The following EIF5B variants were observed in gnomAD, a reference collection of about 807,000 sequenced individuals.
EIF5B encodes the protein eukaryotic translation initiation factor 5B.
EIF5B carries 47 observed loss-of-function variants against 147.5 expected under a neutral mutation model. The ratio of observed to expected loss-of-function variants is 0.32; its 90% CI spans 0.25 to 0.41. EIF5B has a LOEUF of 0.41. Ranked by LOEUF, EIF5B falls within the 10% of genes least tolerant of loss-of-function variation. EIF5B has a pLI of 1.00. For missense variants in EIF5B, 1,064 were observed against 1,413.2 expected (o/e 0.75, Z 3.96); for synonymous variants, 455 against 456.2 (o/e 1.00, Z 0.03).
chr2:99,357,398 A>G (rs1273201052), intron 1 of EIF5B, among the ~76,000 whole-genome samples: 3 of 152,180 alleles, frequency 2.0e-5, no homozygotes, highest in East Asian at 1.9e-4. Flanking sequence ...AAAAATTACC[A>G]TCTTTAAGAA....
In EIF5B at chr2:99,353,005, C is replaced by CTTTTTTTTTTTTTTTTTT. The variant is rs529053292; in HGVS notation, c.36-7221_36-7204dup. On this transcript the variant is annotated intron_variant, in intron 1 of 23. Transcript: ENST00000289371. ...GCCTGGCTAATTTTTTCTTCTTCTTCTTTTTTTTTTTTTTTTTTTTTTTTT... is the reference window on the plus strand; with the variant it reads ...GCCTGGCTAATTTTTTCTTCTTCTTCTTTTTTTTTTTTTTTTTTTTTTTTTTTTTTTTTTTTTTTTTTT... Among the ~76,000 whole-genome samples, 45 of 62,854 alleles carry CTTTTTTTTTTTTTTTTTT rather than the reference C, an allele frequency of 7.2e-4. 6 individuals carry two copies. Among genetic ancestry groups the CTTTTTTTTTTTTTTTTTT allele is most frequent in the East Asian group, 1.2e-3 (2 of 1,646 alleles). 41.2% of individuals were successfully genotyped at this position (62,854 alleles called of 152,430 possible).
intron 15 of EIF5B, 148 bp downstream of exon 15, chr2:99,389,997 T>C: frequency 8.1e-7 from 1 of 1,241,208 alleles, no homozygotes; most frequent in Non-Finnish European, 1.1e-6. Context: ...CCTTTTCTCC[T>C]TTTTCTTTGC....
Position 99,393,115 on chromosome 2 carries a change from A to T in EIF5B, c.2880+17A>T, listed in dbSNP as rs766204310. 3.3e-6 allele frequency: 5 copies of T among 1,503,516 alleles called. No individual in the cohort carries two copies. Among genetic ancestry groups the T allele is most frequent in the South Asian group, 1.3e-5 (1 of 74,234 alleles). The allele number at this position is 1,503,516 out of a possible 1,614,324, so 93.1% of individuals were successfully genotyped here. ...GTTCTTAAAGTAAGTTCATTTAAAA[A>T]TTTTTTTCCTTAAAAGCTATTTGAG... is the stretch of plus-strand genomic sequence containing the variant. On this transcript the variant is annotated intron_variant, in intron 18 of 23. Transcript: ENST00000289371.
Position 99,361,233 on chromosome 2 carries a change from A to C in EIF5B, c.332A>C (p.Asn111Thr). The change falls in exon 4 of 24, where the codon AAT becomes ACT. Residue 111 changes from asparagine (N) to threonine (T), a missense_variant. By Grantham distance (65) the Asn-to-Thr change is moderately conservative. Around this residue, in one of 4 missense-constraint regions of EIF5B, gnomAD observed 458 missense variants for 451.3 expected, o/e 1.01. Transcript: ENST00000289371. ...GGCAAAAAACAGAGTTTTGATGATA[A>C]TGATAGCGAAGAATTGGAAGATAAA... ...QKGKKQSFDDNDSEELEDKDS... is the reference protein window; with the variant it reads ...QKGKKQSFDDTDSEELEDKDS... 6.2e-7 allele frequency: 1 copy of C among 1,610,744 alleles called. No individual in the cohort carries two copies. The highest frequency in any genetic ancestry group is 2.2e-5 in the East Asian group (1 of 44,786).
intron 1 of EIF5B, among the ~76,000 whole-genome samples, chr2:99,354,825 C>T (rs1674060424): frequency 1.0e-5 from 1 of 98,932 alleles, no homozygotes; most frequent in Non-Finnish European, 1.9e-5. Context: ...TTTTTTGAGA[C>T]AGTGTTTCCG....
chr2:99,367,349 C>T (rs1674348046), intron 6 of EIF5B, among the ~76,000 whole-genome samples: 1 of 151,656 alleles, frequency 6.6e-6, no homozygotes, highest in Non-Finnish European at 1.5e-5. Context: ...TCAACAGACA[C>T]TTTCACCAGA....
At chr2:99,378,821 T>G (rs1559255449) in intron 10 of EIF5B, among the ~76,000 whole-genome samples, 198 bp from the exon 11 acceptor site, 1 of 152,122 alleles carries the variant, frequency 6.6e-6, no homozygotes, top group Non-Finnish European at 1.5e-5. Flanking sequence ...TCTAAACAGG[T>G]TTTTCCTTAT....
chr2:99,363,783 A>G lies in EIF5B; in HGVS notation c.1058A>G (p.Glu353Gly). Residue 353 changes from glutamate to glycine, a missense_variant, in exon 5 of 24, where the codon GAG becomes GGG. Transcript: ENST00000289371. ...CAAGAAGCTCTGGCTAAGCTTAAAG[A>G]GGAAGAAGAAAGACAGAAGAGAGAA... is the stretch of plus-strand genomic sequence containing the variant. ...AMQEALAKLKEEEERQKREEE... is the reference protein window; with the variant it reads ...AMQEALAKLKGEEERQKREEE... 1 of 1,614,090 alleles carries G rather than the reference A, an allele frequency of 6.2e-7. No homozygotes were observed. The highest frequency in any genetic ancestry group is 8.5e-7 in the Non-Finnish European group (1 of 1,180,012).
chr2:99,347,946 A>G (rs1437300646), intron 1 of EIF5B, among the ~76,000 whole-genome samples: 1 of 121,930 alleles, frequency 8.2e-6, no homozygotes, highest in African/African-American at 3.1e-5. Context: ...GGTAAAACAG[A>G]AGTTGCTAGA....
At chr2:99,337,783 G>A (rs1294367995) in intron 1 of EIF5B, among the ~76,000 whole-genome samples, 194 bp downstream of exon 1, 2 of 151,044 alleles carry the variant, frequency 1.3e-5, no homozygotes, top group African/African-American at 4.8e-5. Context: ...ACGGCGGGCG[G>A]GTCCTCCCAG....
chr2:99,387,527 A>G (rs1475036068), intron 14 of EIF5B, among the ~76,000 whole-genome samples: 1 of 152,222 alleles, frequency 6.6e-6, no homozygotes, highest in Non-Finnish European at 1.5e-5. Context: ...ATACATTCCT[A>G]TGCCACTACT....
At chr2:99,344,433 TG>T (rs1644123271) in intron 1 of EIF5B, among the ~76,000 whole-genome samples, 1 of 137,900 alleles carries the variant, frequency 7.3e-6, no homozygotes, top group South Asian at 2.5e-4. Flanking sequence ...TTGTTGTTGT[TG>T]TTTCTGGGTT....
At chr2:99,362,603 G>T (rs1674242467) in intron 4 of EIF5B, among the ~76,000 whole-genome samples, 2 of 151,984 alleles carry the variant, frequency 1.3e-5, no homozygotes, top group African/African-American at 4.8e-5. Flanking sequence ...GGAGGCTGAG[G>T]CAGGAGAATG....
chr2:99,339,035 C>G (rs2094252626), intron 1 of EIF5B, among the ~76,000 whole-genome samples: 1 of 69,626 alleles, frequency 1.4e-5, no homozygotes, highest in South Asian at 5.4e-4. Flanking sequence ...GACGGAGTTT[C>G]CCTCTTGTTG....
At chr2:99,379,530 A>G (rs1674645557) in intron 12 of EIF5B, 102 bp downstream of exon 12, 8 of 806,066 alleles carry the variant, frequency 9.9e-6, no homozygotes, top group Non-Finnish European at 1.5e-5. Flanking sequence ...ACAGCTCCAT[A>G]TACTCACCAT....
At chr2:99,381,249 C>G (rs1674681009) in intron 12 of EIF5B, among the ~76,000 whole-genome samples, 1 of 152,130 alleles carries the variant, frequency 6.6e-6, no homozygotes, top group African/African-American at 2.4e-5. Flanking sequence ...AGAACTTGAA[C>G]TCTCGTTGTT....
Position 99,401,214 on chromosome 2 carries a change from A to G in EIF5B, c.*1800A>G, listed in dbSNP as rs1322117484. On this transcript the variant is annotated 3_prime_UTR_variant, in exon 24 of 24. Coordinates refer to ENST00000289371, the MANE Select transcript of EIF5B (RefSeq NM_015904.4). ...CACAAGCACTTATGGCACAGCTATC[A>G]GAGAGCATCAGGCTCTCTGGTAATA... The G allele has an allele frequency of 1.4e-6, 2 of 1,390,916 alleles. No individual in the cohort carries two copies. The highest frequency in any genetic ancestry group is 4.6e-5 in the East Asian group (2 of 43,816). The allele number at this position is 1,390,916 out of a possible 1,614,324, so 86.2% of individuals were successfully genotyped here. A position where few individuals can be genotyped will look rare whatever the true frequency, so the allele number is the denominator to read the frequency against.
chr2:99,341,964 A>G (rs1002941237), intron 1 of EIF5B, among the ~76,000 whole-genome samples: 1 of 152,238 alleles, frequency 6.6e-6, no homozygotes, highest in African/African-American at 2.4e-5. Flanking sequence ...GAAAAAGGCT[A>G]GTATCCTCTT....
Position 99,394,277 on chromosome 2 carries a change from T to C in EIF5B, c.2891T>C (p.Ile964Thr). ...DEIPVLKDELIHELKQTLNAI... is the reference protein window; with the variant it reads ...DEIPVLKDELTHELKQTLNAI... ...TGATTTCTTTTCAAGGATGAATTGA[T>C]CCATGAGTTAAAGCAGACACTAAAT... Residue 964 changes from isoleucine to threonine, a missense_variant, in exon 19 of 24, where the codon ATC becomes ACC. By Grantham distance (89) the Ile-to-Thr change is moderately conservative. Transcript: ENST00000289371. 6.2e-7 allele frequency: 1 copy of C among 1,609,830 alleles called. No homozygotes were observed. Among genetic ancestry groups the C allele is most frequent in the South Asian group, 1.1e-5 (1 of 90,742 alleles).
Sources: allele counts gnomAD v4.1 joint callset (sites outside exome capture counted in the v4.1 genomes callset), GRCh38; gene constraint gnomAD v4.1.1; regional missense constraint gnomAD v4.1.1; transcripts MANE v1.5; gene names NCBI Gene and HGNC (gene_info 2026-07-23, HGNC 2026-07-21).